MPI: variants seen among roughly 807,000 people sequenced by gnomAD.
MPI encodes mannose phosphate isomerase.
Under a neutral mutation model 40.1 loss-of-function variants are expected in MPI, and 33 were observed. The ratio of observed to expected loss-of-function variants is 0.82; its 90% CI spans 0.62 to 1.10. MPI has a LOEUF of 1.10. MPI is among the 50% of genes least tolerant of loss of function. The probability of loss-of-function intolerance (pLI) is 0.00; values close to 1 mark genes in which losing one functional copy is unlikely to be tolerated. For missense variants in MPI, 514 were observed against 524.1 expected (o/e 0.98, Z 0.19); for synonymous variants, 187 against 207.4 (o/e 0.90, Z 0.85).
Position 74,901,967 on chromosome 15 carries a change from T to C in MPI, c.*4237T>C, listed in dbSNP as rs1258015870. 5 of 396,830 alleles carry C rather than the reference T, an allele frequency of 1.3e-5. No individual in the cohort carries two copies. Among genetic ancestry groups the C allele is most frequent in the Non-Finnish European group, 2.2e-5 (5 of 225,498 alleles). 24.6% of individuals were successfully genotyped at this position (396,830 alleles called of 1,614,324 possible). On this transcript the variant is annotated 3_prime_UTR_variant, in exon 8 of 8. Transcript: ENST00000352410. ...AAACTCACCCGGACGGTTGGACCAGTTGGGGATGCCCCAGGTCCAGGGATT... is the reference window on the plus strand; with the variant it reads ...AAACTCACCCGGACGGTTGGACCAGCTGGGGATGCCCCAGGTCCAGGGATT...
At chr15:74,893,720 A>G (rs1261399730) in intron 5 of MPI, 1 of 501,248 alleles carries the variant, frequency 2.0e-6, no homozygotes, top group Admixed American at 3.3e-5. Context: ...TCCAGCACTC[A>G]GTCATTTGAT....
chr15:74,893,377 G>C, intron 5 of MPI, 57 bp downstream of exon 5: 1 of 1,584,744 alleles, frequency 6.3e-7, no homozygotes, highest in Non-Finnish European at 8.7e-7. Context: ...CTTCCCAGCA[G>C]ACACCAGACT....
At chr15:74,890,407 C>T in intron 1 of MPI, 120 bp from the exon 2 acceptor site, 3 of 1,366,580 alleles carry the variant, frequency 2.2e-6, no homozygotes, top group Non-Finnish European at 3.1e-6. Context: ...ATCCAACAGC[C>T]TACAAAACCC....
chr15:74,894,597 C>T (rs1395888342), intron 5 of MPI, among the ~76,000 whole-genome samples: 2 of 141,266 alleles, frequency 1.4e-5, no homozygotes, highest in Admixed American at 7.3e-5. Context: ...GCACTTCAGC[C>T]GGGGCAATAG....
At chr15:74,894,098 GT>G (rs1567267265) in intron 5 of MPI, among the ~76,000 whole-genome samples, 4 of 19,118 alleles carry the variant, frequency 2.1e-4, no homozygotes, top group South Asian at 1.8e-3. Context: ...GTGTGTGTGT[GT>G]GTGTGTGTGG....
chr15:74,896,577 G>T, intron 6 of MPI: 2 of 652,508 alleles, frequency 3.1e-6, no homozygotes, highest in South Asian at 3.4e-5. Flanking sequence ...GCCAGTCAGT[G>T]TGGGAACCAC....
At chr15:74,890,360 G>A (rs943629990) in intron 1 of MPI, 167 bp from the exon 2 acceptor site, 1 of 950,832 alleles carries the variant, frequency 1.1e-6, no homozygotes. Flanking sequence ...CCATCTGACA[G>A]TTGGGAACAT....
intron 5 of MPI, chr15:74,893,734 T>A (rs1035483618): frequency 2.2e-6 from 1 of 451,838 alleles, no homozygotes; most frequent in Admixed American, 3.5e-5. Flanking sequence ...ATTTGATCTT[T>A]CCTTTACCTT....
chr15:74,900,613 A>G lies in MPI; in HGVS notation c.*2883A>G, dbSNP rs188678240. 1 of 152,334 alleles carries G rather than the reference A, an allele frequency of 6.6e-6. No individual in the cohort carries two copies. Among genetic ancestry groups the G allele is most frequent in the East Asian group, 1.9e-4 (1 of 5,190 alleles). The allele number at this position is 152,334 out of a possible 1,614,324, so 9.4% of individuals were successfully genotyped here. ...TGCACTTCACCTCTGCAGACACAAGAAAGGCCTGGACATGGTCTCTGCAGA... is the reference window on the plus strand; with the variant it reads ...TGCACTTCACCTCTGCAGACACAAGGAAGGCCTGGACATGGTCTCTGCAGA... On this transcript the variant is annotated 3_prime_UTR_variant, in exon 8 of 8. Coordinates refer to ENST00000352410, the MANE Select transcript of MPI (RefSeq NM_002435.3).
intron 3 of MPI, among the ~76,000 whole-genome samples, chr15:74,892,262 G>T (rs1041564754): frequency 6.6e-6 from 1 of 152,206 alleles, no homozygotes; most frequent in South Asian, 2.1e-4. Context: ...AAAGTGCTGG[G>T]ATTACAGGCG....
In MPI at chr15:74,899,410, T is replaced by C. The variant is rs1422691665; in HGVS notation, c.*1680T>C. The C allele has an allele frequency of 1.3e-5, 2 of 152,148 alleles. No homozygotes were observed. Among genetic ancestry groups the C allele is most frequent in the African/African-American group, 4.8e-5 (2 of 41,434 alleles). The allele number at this position is 152,148 out of a possible 1,614,324, so 9.4% of individuals were successfully genotyped here. Reference sequence around the variant, plus strand: ...TTCTTGCCTCCAAATTTTCTTCAGCTAAAAAACAATAAAGATGAGCTGGAA... The same window carrying C: ...TTCTTGCCTCCAAATTTTCTTCAGCCAAAAAACAATAAAGATGAGCTGGAA... On this transcript the variant is annotated 3_prime_UTR_variant, in exon 8 of 8. Coordinates refer to ENST00000352410, the MANE Select transcript of MPI (RefSeq NM_002435.3).
chr15:74,892,581 A>G (rs1422785419), intron 3 of MPI, 80 bp from the exon 4 acceptor site: 2 of 1,592,814 alleles, frequency 1.3e-6, no homozygotes, highest in Non-Finnish European at 8.6e-7. Context: ...GGTGGACAGC[A>G]GGGGCTAGGT....
chr15:74,896,880 C>T, intron 6 of MPI, 131 bp from the exon 7 acceptor site: 1 of 835,394 alleles, frequency 1.2e-6, no homozygotes, highest in South Asian at 1.4e-5. Context: ...ACCCCATTCT[C>T]CCAGAGAATA....
chr15:74,894,037 TCAG>T (rs1398446912), intron 5 of MPI, among the ~76,000 whole-genome samples: 1 of 72,540 alleles, frequency 1.4e-5, no homozygotes, highest in Non-Finnish European at 3.3e-5. Flanking sequence ...TTTTTTCTGT[TCAG>T]TGTGTGTGTG....
Position 74,891,512 on chromosome 15 carries a change from A to G in MPI, c.278A>G (p.Asn93Ser). Residue 93 changes from asparagine to serine, a missense_variant, in exon 3 of 8, where the codon AAC (asparagine) becomes AGC (serine). By Grantham distance (46) the Asn-to-Ser change is conservative. Coordinates refer to ENST00000352410, the MANE Select transcript of MPI (RefSeq NM_002435.3). ...GSKVKDTFNG[N>S]LPFLFKVLSV... ...AAGGTCAAGGACACCTTTAATGGCA[A>G]CCTGCCCTTCCTCTTCAAAGTGCTC... 6.2e-7 allele frequency: 1 copy of G among 1,614,226 alleles called. No homozygotes were observed. The highest frequency in any genetic ancestry group is 1.3e-5 in the African/African-American group (1 of 75,058).
In MPI at chr15:74,897,553, C is replaced by G; in HGVS notation, c.1095C>G (p.Asp365Glu). Residue 365 changes from aspartate (D) to glutamate (E), a missense_variant, in exon 8 of 8, where the codon GAC becomes GAG. By Grantham distance (45) the Asp-to-Glu change is conservative. Coordinates refer to ENST00000352410, the MANE Select transcript of MPI (RefSeq NM_002435.3). ...SVTEYKVLAL[D>E]SASILLMVQG... is the part of the protein sequence containing the mutation. ...CTGAATACAAGGTCTTGGCACTGGA[C>G]TCTGCCAGCATCCTCCTGATGGTAC... is the stretch of plus-strand genomic sequence containing the variant. The G allele has an allele frequency of 6.2e-7, 1 of 1,614,164 alleles. No individual in the cohort carries two copies. Among genetic ancestry groups the G allele is most frequent in the South Asian group, 1.1e-5 (1 of 91,088 alleles).
At position 74,899,365 on chromosome 15, in the gene MPI, C is replaced by T. The variant is rs2064871784; in HGVS notation, c.*1635C>T. On this transcript the variant is annotated 3_prime_UTR_variant, in exon 8 of 8. Transcript: ENST00000352410. The stretch of plus-strand genomic sequence containing the variant: ...ATACAATGGAGTTCCAGGAAACCAC[C>T]TTCAAAAATCTCCTGGGTTTTCTTG... 1 of 152,210 alleles carries T rather than the reference C, an allele frequency of 6.6e-6. No individual in the cohort carries two copies. Among genetic ancestry groups the T allele is most frequent in the Non-Finnish European group, 1.5e-5 (1 of 68,044 alleles). 9.4% of individuals were successfully genotyped at this position (152,210 alleles called of 1,614,324 possible). A position where few individuals can be genotyped will look rare whatever the true frequency, so the allele number is the denominator to read the frequency against.
chr15:74,895,706 C>T (rs2064808085), intron 5 of MPI: 1 of 169,518 alleles, frequency 5.9e-6, no homozygotes, highest in Non-Finnish European at 1.3e-5. Flanking sequence ...GGACATTTGG[C>T]TGTTGTCTGG....
At chr15:74,890,802 T>C in intron 2 of MPI, 148 bp downstream of exon 2, 1 of 1,050,752 alleles carries the variant, frequency 9.5e-7, no homozygotes, top group South Asian at 1.3e-5. Context: ...TAGATAGTGT[T>C]ATCAAAAAGA....
Sources: gnomAD v4.1 joint callset for allele counts (sites outside exome capture counted in the v4.1 genomes callset) on GRCh38, gnomAD v4.1.1 for gene constraint, MANE v1.5 for transcripts, NCBI Gene and HGNC (gene_info 2026-07-23, HGNC 2026-07-21) for gene names.